PLCB1: variants seen among roughly 807,000 people sequenced by gnomAD.
PLCB1 encodes phospholipase C beta 1, also known as 1-phosphatidylinositol 4,5-bisphosphate phosphodiesterase beta-1.
PLCB1 carries 46 observed loss-of-function variants against 161.8 expected under a neutral mutation model. The observed-to-expected ratio is 0.28, with a 90% CI of 0.22 to 0.36. The LOEUF (loss-of-function observed/expected upper bound fraction) is 0.36, where lower values mean the gene tolerates loss of function less well. PLCB1 is among the 10% of genes least tolerant of loss of function. The pLI, the probability that PLCB1 is intolerant of heterozygous loss-of-function variation, is 1.00. For missense variants in PLCB1, 1,016 were observed against 1,472.5 expected, an observed-to-expected ratio of 0.69 and a Z score of 5.07; for synonymous variants, 517 against 503.7, an observed-to-expected ratio of 1.03 and a Z score of -0.35.
intron 2 of PLCB1, among the ~76,000 whole-genome samples, chr20:8,200,081 CA>C (rs1323575218): frequency 1.3e-5 from 2 of 152,058 alleles, no homozygotes; most frequent in African/African-American, 4.8e-5. Context: ...GATATTAATT[CA>C]TTGTCACTCA....
rs535395417 is a variant in PLCB1 at position 8,858,590 on chromosome 20, A to C, written c.3424-23032A>C. 5.4e-3 allele frequency among the ~76,000 whole-genome samples: 824 copies of C among 152,248 alleles called. 7 individuals are homozygous for C. Among genetic ancestry groups the C allele is most frequent in the Non-Finnish European group, 8.5e-3 (578 of 68,018 alleles). ...TAGGCTCTCTACAGTGTGAGTGTGC[A>C]GAGATTGTATGATTCCACTGGGGTC... On this transcript the variant is annotated intron_variant, in intron 31 of 31. Coordinates refer to ENST00000338037, the MANE Select transcript of PLCB1 (RefSeq NM_015192.4).
chr20:8,495,794 C>G (rs1486310947), intron 3 of PLCB1, among the ~76,000 whole-genome samples: 2 of 152,118 alleles, frequency 1.3e-5, no homozygotes, highest in Non-Finnish European at 2.9e-5. Context: ...TACCGTGGGG[C>G]CTTTGTATTC....
At chr20:8,373,568 C>T (rs1231783359) in intron 3 of PLCB1, among the ~76,000 whole-genome samples, 1 of 152,164 alleles carries the variant, frequency 6.6e-6, no homozygotes, top group African/African-American at 2.4e-5. Flanking sequence ...CAAATTGATA[C>T]AGGTGTGGTG....
At chr20:8,811,452 T>C (rs1309321691) in intron 31 of PLCB1, among the ~76,000 whole-genome samples, 1 of 152,202 alleles carries the variant, frequency 6.6e-6, no homozygotes, top group African/African-American at 2.4e-5. Context: ...TCTATAGCCC[T>C]GTGCACTTCC....
intron 9 of PLCB1, among the ~76,000 whole-genome samples, chr20:8,680,666 A>T (rs927048266): frequency 1.3e-5 from 2 of 152,284 alleles, no homozygotes; most frequent in South Asian, 4.1e-4. Flanking sequence ...TATTCTACCC[A>T]AACTACCCTT....
At chr20:8,776,375 G>A (rs1000800195) in intron 27 of PLCB1, among the ~76,000 whole-genome samples, 1 of 152,182 alleles carries the variant, frequency 6.6e-6, no homozygotes, top group African/African-American at 2.4e-5. Context: ...TATAACCATT[G>A]TGTAGATGCC....
intron 18 of PLCB1, chr20:8,729,395 T>C (rs141972687): frequency 1.7e-4 from 58 of 332,676 alleles, no homozygotes; most frequent in Admixed American, 1.0e-3. Context: ...TTCTACAGGC[T>C]TTGCATTATT....
At chr20:8,345,588 AG>A (rs1395413924) in intron 2 of PLCB1, among the ~76,000 whole-genome samples, 1 of 152,166 alleles carries the variant, frequency 6.6e-6, no homozygotes, top group East Asian at 1.9e-4. Flanking sequence ...TAGGATGTTC[AG>A]CAGCACTCCT....
chr20:8,366,114 A>G (rs1282005895), intron 2 of PLCB1, among the ~76,000 whole-genome samples: 1 of 152,134 alleles, frequency 6.6e-6, no homozygotes, highest in Non-Finnish European at 1.5e-5. Flanking sequence ...ATTTTTGTTA[A>G]ATACCCAAAA....
intron 26 of PLCB1, among the ~76,000 whole-genome samples, chr20:8,769,254 AT>A: frequency 6.6e-6 from 1 of 152,148 alleles, no homozygotes; most frequent in African/African-American, 2.4e-5. Flanking sequence ...AACTCATAAC[AT>A]TTTTAAAATA....
chr20:8,320,193 T>C (rs1339335365), intron 2 of PLCB1, among the ~76,000 whole-genome samples: 2 of 152,104 alleles, frequency 1.3e-5, no homozygotes, highest in Non-Finnish European at 2.9e-5. Context: ...ATTGTGTTGT[T>C]GTTAATAAAG....
At chr20:8,859,879 CA>C (rs937753253) in intron 31 of PLCB1, among the ~76,000 whole-genome samples, 3 of 151,926 alleles carry the variant, frequency 2.0e-5, no homozygotes, top group Admixed American at 6.6e-5. Flanking sequence ...CTCTACCTAC[CA>C]TGATAATACA....
At chr20:8,728,517 T>A (rs1168878235) in intron 17 of PLCB1, among the ~76,000 whole-genome samples, 3 of 152,062 alleles carry the variant, frequency 2.0e-5, no homozygotes, top group Non-Finnish European at 1.5e-5. Context: ...GCAAATAGCA[T>A]TCCCAGAGAA....
chr20:8,228,970 C>T (rs1391632611), intron 2 of PLCB1, among the ~76,000 whole-genome samples: 1 of 151,936 alleles, frequency 6.6e-6, no homozygotes, highest in African/African-American at 2.4e-5. Context: ...ACATTGCTGT[C>T]GAACACTAGA....
chr20:8,781,389 C>A (rs993618518), intron 27 of PLCB1, among the ~76,000 whole-genome samples: 3 of 133,936 alleles, frequency 2.2e-5, no homozygotes, highest in Non-Finnish European at 4.9e-5. Flanking sequence ...GTGGGATTCA[C>A]ACACACAAAC....
At chr20:8,378,392 C>T (rs1376951090) in intron 3 of PLCB1, among the ~76,000 whole-genome samples, 2 of 152,104 alleles carry the variant, frequency 1.3e-5, no homozygotes, top group Non-Finnish European at 2.9e-5. Context: ...TTTGGTTTCC[C>T]ACTGCATGTA....
intron 3 of PLCB1, among the ~76,000 whole-genome samples, chr20:8,388,698 A>G (rs75633933): frequency 3.8e-3 from 583 of 152,038 alleles, no homozygotes; most frequent in Non-Finnish European, 6.7e-3. Context: ...ATGTGTTTTT[A>G]TTTACATCTT....
intron 3 of PLCB1, among the ~76,000 whole-genome samples, chr20:8,568,366 C>T (rs1045275212): frequency 3.0e-4 from 45 of 152,118 alleles, no homozygotes; most frequent in Non-Finnish European, 1.0e-4. Flanking sequence ...CTAGTTATTG[C>T]AACATATGCT....
chr20:8,228,209 A>T (rs987704207), intron 2 of PLCB1, among the ~76,000 whole-genome samples: 2 of 152,122 alleles, frequency 1.3e-5, no homozygotes, highest in East Asian at 3.9e-4. Context: ...TAAAATAAAG[A>T]TGAATAACAA....
Sources: gnomAD v4.1 joint callset for allele counts (sites outside exome capture counted in the v4.1 genomes callset) on GRCh38, gnomAD v4.1.1 for gene constraint, MANE v1.5 for transcripts, NCBI Gene and HGNC (gene_info 2026-07-23, HGNC 2026-07-21) for gene names.